ITIH2: variants seen among roughly 807,000 people sequenced by gnomAD.
The protein encoded by ITIH2 is inter-alpha-trypsin inhibitor heavy chain H2.
A neutral mutation model predicts 104.4 loss-of-function variants in ITIH2; 103 were observed. The ratio of observed to expected loss-of-function variants is 0.99; its 90% CI spans 0.84 to 1.16. The LOEUF (loss-of-function observed/expected upper bound fraction) is 1.16. Among genes scored for constraint, ITIH2 ranks in the 50% most tolerant of loss-of-function variants. The pLI is 0.00. For missense variants in ITIH2, 1,108 were observed against 1,162.4 expected, an observed-to-expected ratio of 0.95 and a Z score of 0.68; for synonymous variants, 436 against 435.4, an observed-to-expected ratio of 1.00 and a Z score of -0.02.
intron 10 of ITIH2, 68 bp downstream of exon 10, chr10:7,727,186 G>A: frequency 7.5e-7 from 1 of 1,325,306 alleles, no homozygotes; most frequent in Non-Finnish European, 1.1e-6. Context: ...CACTTAAGAA[G>A]CATTATTCCC....
chr10:7,732,269 TA>T, intron 13 of ITIH2, 68 bp from the exon 14 acceptor site: 1 of 1,524,788 alleles, frequency 6.6e-7, no homozygotes, highest in Non-Finnish European at 9.0e-7. Flanking sequence ...CAGCAGGTAC[TA>T]AAAATGTGAA....
At position 7,726,951 on chromosome 10, in the gene ITIH2, C is replaced by T. The variant is rs201131091; in HGVS notation, c.986C>T (p.Thr329Ile). The T allele has an allele frequency of 6.2e-7, 1 of 1,606,440 alleles. No individual in the cohort carries two copies. Among genetic ancestry groups the T allele is most frequent in the East Asian group, 2.2e-5 (1 of 44,704 alleles). The change falls in exon 10 of 21, where the codon ACT becomes ATT. Residue 329 changes from threonine (T) to isoleucine (I), a missense_variant and splice_region_variant. Coordinates refer to ENST00000358415, the MANE Select transcript of ITIH2 (RefSeq NM_002216.3). ...GSMWGVKMKQ[T>I]VEAMKTILDD... ...TGTCTTTATTCTCTATTGAAATAGACTGTGGAAGCAATGAAGACCATATTG... is the reference window on the plus strand; with the variant it reads ...TGTCTTTATTCTCTATTGAAATAGATTGTGGAAGCAATGAAGACCATATTG...
At chr10:7,747,973 G>A (rs1458014810) in intron 20 of ITIH2, among the ~76,000 whole-genome samples, 1 of 151,640 alleles carries the variant, frequency 6.6e-6, no homozygotes, top group Non-Finnish European at 1.5e-5. Context: ...TGCAAGGCCT[G>A]GGTGGGTGGA....
intron 2 of ITIH2, 21 bp from the exon 3 acceptor site, chr10:7,707,179 AT>A (rs776849542): frequency 8.4e-5 from 133 of 1,583,532 alleles, no homozygotes; most frequent in Non-Finnish European, 1.1e-4. Flanking sequence ...TTGAAGAATG[AT>A]TGTCTAACTT....
chr10:7,705,518 T>C (rs932048784), intron 2 of ITIH2, among the ~76,000 whole-genome samples: 5 of 151,794 alleles, frequency 3.3e-5, no homozygotes, highest in Admixed American at 6.6e-5. Context: ...TCAGCCTGGG[T>C]AACATAGTGA....
intron 20 of ITIH2, among the ~76,000 whole-genome samples, chr10:7,747,987 C>T (rs185866755): frequency 6.6e-6 from 1 of 151,862 alleles, no homozygotes; most frequent in Non-Finnish European, 1.5e-5. Flanking sequence ...GGGTGGATAA[C>T]CTGAGGTCAG....
chr10:7,724,264 A>C (rs936110206), intron 9 of ITIH2, among the ~76,000 whole-genome samples: 62 of 152,150 alleles, frequency 4.1e-4, no homozygotes, highest in Non-Finnish European at 8.8e-5. Context: ...TAAGATCTGT[A>C]AGGAACCTAA....
At chr10:7,722,116 G>A (rs1834909824) in intron 8 of ITIH2, among the ~76,000 whole-genome samples, 1 of 152,222 alleles carries the variant, frequency 6.6e-6, no homozygotes, top group Non-Finnish European at 1.5e-5. Flanking sequence ...TACGGGGTGA[G>A]GAGGAAGGCG....
At position 7,748,521 on chromosome 10, in the gene ITIH2, C is replaced by CTTTTTTTTTTTTTTT. The variant is rs549517172; in HGVS notation, c.2694-643_2694-629dup. Among the ~76,000 whole-genome samples, 55 of 27,132 alleles carry CTTTTTTTTTTTTTTT rather than the reference C, an allele frequency of 2.0e-3. 18 individuals carry two copies. The highest frequency in any genetic ancestry group is 2.7e-3 in the Non-Finnish European group (41 of 15,258). The allele number at this position is 27,132 out of a possible 152,430, so 17.8% of individuals were successfully genotyped here. ...AGTTAAGAGGTGCCGCCAATGCATT[C>CTTTTTTTTTTTTTTT]TTTTTTTTTTTTTTTTTTTTTTTTT... On this transcript the variant is annotated intron_variant, in intron 20 of 20. Coordinates refer to ENST00000358415, the MANE Select transcript of ITIH2 (RefSeq NM_002216.3).
In ITIH2 at chr10:7,749,410, GAAT is replaced by G; in HGVS notation, c.*80_*82del. The G allele has an allele frequency of 7.7e-7, 1 of 1,300,314 alleles. No individual in the cohort carries two copies. The highest frequency in any genetic ancestry group is 1.1e-6 in the Non-Finnish European group (1 of 934,336). The allele number at this position is 1,300,314 out of a possible 1,614,324, so 80.5% of individuals were successfully genotyped here. ...CACTTTTGCAGATATTCTTCGGTTT[GAAT>G]AATTAAAATGAACCAGATATCAGGG... On this transcript the variant is annotated 3_prime_UTR_variant, in exon 21 of 21. Coordinates refer to ENST00000358415, the MANE Select transcript of ITIH2 (RefSeq NM_002216.3).
chr10:7,718,408 C>T (rs942052347), intron 6 of ITIH2, among the ~76,000 whole-genome samples: 1 of 152,152 alleles, frequency 6.6e-6, no homozygotes, highest in African/African-American at 2.4e-5. Context: ...TTGGGCGCAT[C>T]TTTAGGGGGG....
In ITIH2 at chr10:7,737,722, T is replaced by G. The variant is rs1162834827; in HGVS notation, c.1958-899T>G. Among the ~76,000 whole-genome samples, 15 of 43,846 alleles carry G rather than the reference T, an allele frequency of 3.4e-4. 5 individuals are homozygous for G. The highest frequency in any genetic ancestry group is 2.2e-3 in the East Asian group (2 of 896). The allele number at this position is 43,846 out of a possible 152,430, so 28.8% of individuals were successfully genotyped here. ...ATAATATTCTATATTATATTCTATA[T>G]AATATTCTATATTATATTCTATATA... On this transcript the variant is annotated intron_variant, in intron 15 of 20. Coordinates refer to ENST00000358415, the MANE Select transcript of ITIH2 (RefSeq NM_002216.3).
At chr10:7,740,937 C>T (rs949647868) in intron 16 of ITIH2, among the ~76,000 whole-genome samples, 1 of 152,200 alleles carries the variant, frequency 6.6e-6, no homozygotes, top group African/African-American at 2.4e-5. Context: ...AAATGTCAAG[C>T]TGTGCTGACT....
intron 4 of ITIH2, 71 bp downstream of exon 4, chr10:7,709,262 G>A: frequency 7.1e-7 from 1 of 1,415,584 alleles, no homozygotes; most frequent in Non-Finnish European, 1.0e-6. Context: ...CTCATAGTTA[G>A]AATGGACTTT....
chr10:7,708,409 A>G (rs1409074456), intron 3 of ITIH2, among the ~76,000 whole-genome samples: 1 of 152,216 alleles, frequency 6.6e-6, no homozygotes, highest in African/African-American at 2.4e-5. Context: ...CAATACTTGC[A>G]TCAGAATGCC....
Position 7,740,158 on chromosome 10 carries a change from C to T in ITIH2, c.2095+1400C>T, listed in dbSNP as rs529353523. ...CTGAGATCATGCCACTGCACTCCAG[C>T]CTGGGCGACAGAGCAAGACTCTGTC... On this transcript the variant is annotated intron_variant, in intron 16 of 20. Coordinates refer to ENST00000358415, the MANE Select transcript of ITIH2 (RefSeq NM_002216.3). Among the ~76,000 whole-genome samples the T allele has an allele frequency of 9.4e-4, 143 of 152,268 alleles. 1 individual carries two copies. The highest frequency in any genetic ancestry group is 3.3e-3 in the African/African-American group (139 of 41,564).
At chr10:7,730,155 T>C in intron 12 of ITIH2, 22 bp downstream of exon 12, 1 of 1,546,938 alleles carries the variant, frequency 6.5e-7, no homozygotes, top group Non-Finnish European at 8.8e-7. Context: ...TTCTGTTCTT[T>C]TTTTATTCTT....
chr10:7,719,674 T>C (rs1834882476), intron 6 of ITIH2, among the ~76,000 whole-genome samples: 1 of 133,568 alleles, frequency 7.5e-6, no homozygotes, highest in Admixed American at 9.2e-5. Context: ...GGCAGGAGGA[T>C]AACTTGAGCC....
chr10:7,733,061 A>AT (rs1040500762), intron 14 of ITIH2, among the ~76,000 whole-genome samples: 7 of 151,910 alleles, frequency 4.6e-5, no homozygotes, highest in Non-Finnish European at 1.0e-4. Flanking sequence ...CATTCAATGG[A>AT]TTTTTATATC....
Sources: allele counts gnomAD v4.1 joint callset (sites outside exome capture counted in the v4.1 genomes callset), GRCh38; gene constraint gnomAD v4.1.1; transcripts MANE v1.5; gene names NCBI Gene and HGNC (gene_info 2026-07-23, HGNC 2026-07-21).